Variants in STPG2 observed in about 807,000 individuals in gnomAD.
STPG2 encodes sperm-tail PG-rich repeat-containing protein 2.
In STPG2, 56 loss-of-function variants were observed where a neutral mutation model predicts 54.2. The ratio of observed to expected loss-of-function variants is 1.03; its 90% CI spans 0.83 to 1.29. STPG2 has a LOEUF of 1.29. Among genes scored for constraint, STPG2 ranks in the 50% most tolerant of loss-of-function variants. STPG2 has a pLI of 0.00. For synonymous variants in STPG2, 200 were observed against 181.8 expected (o/e 1.10, Z -0.81); for missense variants, 596 against 544.9 (o/e 1.09, Z -0.93).
intron 10 of STPG2, among the ~76,000 whole-genome samples, chr4:97,565,417 G>C (rs961626136): frequency 1.3e-5 from 2 of 152,134 alleles, no homozygotes; most frequent in African/African-American, 4.8e-5. Flanking sequence ...ATCATCTGAA[G>C]CCTTCTTCTC....
intron 9 of STPG2, among the ~76,000 whole-genome samples, chr4:97,753,390 T>C (rs1244406259): frequency 6.6e-6 from 1 of 152,012 alleles, no homozygotes; most frequent in Admixed American, 6.6e-5. Context: ...GCTCTATCCA[T>C]GTTGTAGCAT....
chr4:98,040,042 T>G (rs13151926), intron 5 of STPG2, among the ~76,000 whole-genome samples: 2,287 of 152,064 alleles, frequency 0.015, 57 homozygotes, highest in African/African-American at 0.052. Context: ...AATATCTCAT[T>G]GTAGTTTTGA....
chr4:97,672,398 G>A lies in STPG2; in HGVS notation c.1320+40301C>T, dbSNP rs553873183. Among the ~76,000 whole-genome samples, 6 of 151,784 alleles carry A rather than the reference G, an allele frequency of 4.0e-5. No homozygotes were observed. The East Asian group carries it at 1.2e-3, about 30-fold the overall frequency. On this transcript the variant is annotated intron_variant, in intron 10 of 10. Coordinates refer to ENST00000295268, the MANE Select transcript of STPG2 (RefSeq NM_174952.3). ...TCTCCAAGTTAGTCAGGCTGGTCTC[G>A]AACTCCCAAACTCAGGTGATCTGCC...
chr4:98,092,619 T>C (rs915472307), intron 5 of STPG2, among the ~76,000 whole-genome samples: 4 of 152,076 alleles, frequency 2.6e-5, no homozygotes, highest in Admixed American at 2.6e-4. Context: ...GTCCTTATTA[T>C]TAACCTGTTT....
In STPG2 at chr4:97,451,123, G is replaced by A. The variant is rs1488319467; in HGVS notation, c.462+261576C>T. ...TTATAGAATAAGAGAAAGACCCAGG[G>A]TCAAGACTTTACGAACTCTCAAATT... On this transcript the variant is annotated intron_variant, in intron 4 of 4. Coordinates refer to the STPG2 transcript ENST00000522676. Among the ~76,000 whole-genome samples the A allele has an allele frequency of 2.6e-5, 4 of 152,030 alleles. No individual in the cohort carries two copies. In the South Asian group the frequency reaches 8.3e-4, roughly 32 times the overall value.
chr4:97,867,468 C>A (rs1729833669), intron 8 of STPG2, among the ~76,000 whole-genome samples: 1 of 151,904 alleles, frequency 6.6e-6, no homozygotes, highest in South Asian at 2.1e-4. Flanking sequence ...TTTTTTTCTC[C>A]TAATGTCTCC....
At position 97,996,829 on chromosome 4, in the gene STPG2, G is replaced by GA. The variant is rs1735256662; in HGVS notation, c.613-15512dup. 3.9e-5 allele frequency among the ~76,000 whole-genome samples: 6 copies of GA among 152,076 alleles called. No homozygotes were observed. The South Asian group carries it at 1.2e-3, about 31-fold the overall frequency. ...CATGCAACACAGCCAACAAGCATAT[G>GA]AAAAAAATGCTCAACATCACTAATC... On this transcript the variant is annotated intron_variant, in intron 5 of 10. Transcript: ENST00000295268.
At chr4:98,081,477 T>TA (rs1485118562) in intron 5 of STPG2, among the ~76,000 whole-genome samples, 20 of 152,000 alleles carry the variant, frequency 1.3e-4, no homozygotes, top group Non-Finnish European at 2.2e-4. Flanking sequence ...AAACAAATTT[T>TA]AAAAAAAACT....
At chr4:97,979,056 A>G (rs1247787154) in intron 6 of STPG2, among the ~76,000 whole-genome samples, 7 of 152,362 alleles carry the variant, frequency 4.6e-5, no homozygotes, top group East Asian at 3.9e-4. Flanking sequence ...AGGTGATTTA[A>G]AACAGTTTTT....
intron 4 of STPG2, among the ~76,000 whole-genome samples, chr4:98,107,193 A>G (rs1211689240): frequency 6.6e-6 from 1 of 152,178 alleles, no homozygotes; most frequent in Non-Finnish European, 1.5e-5. Flanking sequence ...CTTTACCAAA[A>G]AGAGACCTAT....
intron 10 of STPG2, among the ~76,000 whole-genome samples, chr4:97,633,986 C>T (rs992253662): frequency 3.3e-5 from 5 of 152,188 alleles, no homozygotes; most frequent in Non-Finnish European, 7.3e-5. Flanking sequence ...GGGTGGAGCC[C>T]ACCACAGCTC....
intron 10 of STPG2, among the ~76,000 whole-genome samples, chr4:97,694,201 C>CA (rs1468679930): frequency 1.3e-5 from 2 of 151,504 alleles, no homozygotes; most frequent in Admixed American, 6.6e-5. Flanking sequence ...AACAAACAAA[C>CA]AAAAAACAAA....
intron 9 of STPG2, among the ~76,000 whole-genome samples, chr4:97,751,869 T>C (rs1271494467): frequency 6.6e-6 from 1 of 151,736 alleles, no homozygotes; most frequent in Non-Finnish European, 1.5e-5. Flanking sequence ...TTACTGCCGA[T>C]AGCCCTCAGA....
intron 5 of STPG2, among the ~76,000 whole-genome samples, chr4:98,061,183 A>G (rs1052057266): frequency 1.3e-5 from 2 of 152,224 alleles, no homozygotes; most frequent in Non-Finnish European, 2.9e-5. Flanking sequence ...CAAAGGTCTA[A>G]TATCTAGCAT....
intron 8 of STPG2, among the ~76,000 whole-genome samples, chr4:97,867,886 A>G (rs1729849186): frequency 6.6e-6 from 1 of 152,044 alleles, no homozygotes; most frequent in Admixed American, 6.6e-5. Flanking sequence ...TGACCAAAAC[A>G]TTATCACATG....
intron 4 of STPG2, among the ~76,000 whole-genome samples, chr4:97,464,868 T>C (rs1729751462): frequency 6.6e-6 from 1 of 152,202 alleles, no homozygotes; most frequent in Non-Finnish European, 1.5e-5. Context: ...TCAATTATAG[T>C]ACTCAACACA....
chr4:97,699,819 C>A (rs188424860), intron 10 of STPG2, among the ~76,000 whole-genome samples: 1 of 152,260 alleles, frequency 6.6e-6, no homozygotes, highest in East Asian at 1.9e-4. Flanking sequence ...CTGGAGGAGA[C>A]GAGGCAGTGT....
intron 10 of STPG2, among the ~76,000 whole-genome samples, chr4:97,585,852 T>C (rs1732984489): frequency 1.3e-5 from 2 of 151,938 alleles, no homozygotes; most frequent in South Asian, 2.1e-4. Context: ...GCGCTGAACC[T>C]AAACAGAGTG....
At chr4:97,748,524 A>G (rs1323948799) in intron 9 of STPG2, among the ~76,000 whole-genome samples, 1 of 151,534 alleles carries the variant, frequency 6.6e-6, no homozygotes, top group Non-Finnish European at 1.5e-5. Flanking sequence ...GAACAAAAAG[A>G]GAAAGGGAAC....
Sources: gnomAD v4.1 joint callset for allele counts (sites outside exome capture counted in the v4.1 genomes callset) on GRCh38, gnomAD v4.1.1 for gene constraint, MANE v1.5 for transcripts, NCBI Gene and HGNC (gene_info 2026-07-23, HGNC 2026-07-21) for gene names.